NRG2: variants seen among roughly 807,000 people sequenced by gnomAD.
NRG2 encodes pro-neuregulin-2, membrane-bound isoform.
Under a neutral mutation model 73.9 loss-of-function variants are expected in NRG2, and 27 were observed. That is an observed-to-expected ratio of 0.37 (90% confidence interval 0.27 to 0.50). NRG2 has a LOEUF of 0.50. Ranked by LOEUF, NRG2 falls within the 20% of genes least tolerant of loss-of-function variation. The pLI is 0.96. For missense variants in NRG2, 1,126 were observed against 1,210.1 expected (o/e 0.93, Z 1.03); for synonymous variants, 532 against 541.0 (o/e 0.98, Z 0.23).
chr5:139,855,649 T>C, intron 6 of NRG2, 27 bp downstream of exon 6: 2 of 1,591,818 alleles, frequency 1.3e-6, no homozygotes, highest in Non-Finnish European at 1.7e-6. Flanking sequence ...GCTTGGCCTG[T>C]CCCCAGCTTG....
At chr5:139,975,471 A>G (rs264342) in intron 1 of NRG2, among the ~76,000 whole-genome samples, 51,984 of 152,088 alleles carry the variant, frequency 0.34, 9,746 homozygotes, top group African/African-American at 0.5. Flanking sequence ...CTTGGTGTCC[A>G]GGACCCCAGC....
intron 1 of NRG2, among the ~76,000 whole-genome samples, chr5:139,914,913 C>A (rs192598905): frequency 5.2e-4 from 79 of 152,270 alleles, no homozygotes; most frequent in African/African-American, 1.8e-3. Context: ...ATTGTAGGCC[C>A]CCCAGCTGGT....
At chr5:140,013,018 C>A (rs559945431) in intron 1 of NRG2, among the ~76,000 whole-genome samples, 1 of 152,284 alleles carries the variant, frequency 6.6e-6, no homozygotes, top group East Asian at 1.9e-4. Flanking sequence ...ATTCACCCAC[C>A]TACTCTTCTA....
intron 1 of NRG2, among the ~76,000 whole-genome samples, chr5:139,898,264 G>C (rs1764672872): frequency 6.6e-6 from 1 of 152,246 alleles, no homozygotes; most frequent in African/African-American, 2.4e-5. Flanking sequence ...AAGGCCGGAA[G>C]GAACCACGAG....
chr5:139,910,687 G>T (rs761842260), intron 1 of NRG2, among the ~76,000 whole-genome samples: 4 of 152,118 alleles, frequency 2.6e-5, no homozygotes, highest in Non-Finnish European at 5.9e-5. Context: ...ATGCCCTTTT[G>T]ACCCTGTCCC....
intron 1 of NRG2, among the ~76,000 whole-genome samples, chr5:139,991,805 T>C (rs1042425241): frequency 2.0e-5 from 3 of 152,194 alleles, no homozygotes; most frequent in African/African-American, 7.2e-5. Flanking sequence ...AAGTACTATA[T>C]CATTCTTTAT....
At chr5:139,893,021 C>T (rs1334888023) in intron 1 of NRG2, among the ~76,000 whole-genome samples, 1 of 152,050 alleles carries the variant, frequency 6.6e-6, no homozygotes, top group African/African-American at 2.4e-5. Flanking sequence ...TGTTTTGTTA[C>T]ATAAGAAATT....
At chr5:140,022,293 T>C (rs1248402611) in intron 1 of NRG2, among the ~76,000 whole-genome samples, 3 of 152,186 alleles carry the variant, frequency 2.0e-5, no homozygotes, top group Non-Finnish European at 4.4e-5. Context: ...TAGCAATAAT[T>C]CCATCTCCTC....
intron 1 of NRG2, among the ~76,000 whole-genome samples, chr5:140,031,853 T>G (rs1187615544): frequency 6.6e-6 from 1 of 152,076 alleles, no homozygotes; most frequent in Non-Finnish European, 1.5e-5. Flanking sequence ...CTAACAGTCC[T>G]TGGGAACTTG....
At position 140,042,907 on chromosome 5, in the gene NRG2, T is replaced by A. The variant is rs901991928; in HGVS notation, c.163A>T (p.Ser55Cys). Residue 55 changes from serine to cysteine, a missense_variant, in exon 1 of 10, where the codon AGC becomes TGC. By Grantham distance (112) the Ser-to-Cys change is moderately radical. Around this residue, in one of 3 missense-constraint regions of NRG2, gnomAD observed 185 missense variants for 149.0 expected, o/e 1.24. Coordinates refer to ENST00000361474, the MANE Select transcript of NRG2 (RefSeq NM_004883.3). Reference sequence around the variant, plus strand: ...GGGGGCGCAGCGGGACGAGAGATGCTGCTGTTGTTGCTGCTGCTCCTGCTG... The same window carrying A: ...GGGGGCGCAGCGGGACGAGAGATGCAGCTGTTGTTGCTGCTGCTCCTGCTG... ...SSSRSSSNNS[S>C]ISRPAAPPEP... is the part of the protein sequence containing the mutation. 6 of 1,537,162 alleles carry A rather than the reference T, an allele frequency of 3.9e-6. No individual in the cohort carries two copies. The highest frequency in any genetic ancestry group is 2.0e-5 in the Admixed American group (1 of 50,906).
At chr5:139,989,938 A>G (rs2913724) in intron 1 of NRG2, among the ~76,000 whole-genome samples, 55,344 of 149,354 alleles carry the variant, frequency 0.37, 12,972 homozygotes, top group African/African-American at 0.64. Context: ...ACAGGTGCCC[A>G]CCACCACGCC....
At chr5:139,873,897 C>A (rs1056325347) in intron 3 of NRG2, among the ~76,000 whole-genome samples, 2 of 152,256 alleles carry the variant, frequency 1.3e-5, no homozygotes, top group Admixed American at 1.3e-4. Flanking sequence ...AAAGATGGGG[C>A]CTCCCCAGCC....
intron 1 of NRG2, among the ~76,000 whole-genome samples, chr5:140,038,257 T>C (rs1177394247): frequency 2.0e-5 from 3 of 152,188 alleles, no homozygotes; most frequent in African/African-American, 7.2e-5. Flanking sequence ...AGATTGTTAA[T>C]ATACCACCAT....
intron 1 of NRG2, among the ~76,000 whole-genome samples, chr5:139,906,490 C>T (rs1460924446): frequency 2.0e-5 from 3 of 152,194 alleles, no homozygotes; most frequent in Non-Finnish European, 4.4e-5. Flanking sequence ...TCTATCTCCT[C>T]TCATACCTTT....
At chr5:139,956,035 A>T (rs943103126) in intron 1 of NRG2, among the ~76,000 whole-genome samples, 4 of 152,236 alleles carry the variant, frequency 2.6e-5, no homozygotes, top group Non-Finnish European at 5.9e-5. Context: ...AGATGCTGAG[A>T]CAGGCAGAGG....
chr5:140,020,189 A>G (rs1040713039), intron 1 of NRG2, among the ~76,000 whole-genome samples: 1 of 152,268 alleles, frequency 6.6e-6, no homozygotes, highest in African/African-American at 2.4e-5. Flanking sequence ...AGAATCAATA[A>G]AAGACTGAAA....
intron 1 of NRG2, among the ~76,000 whole-genome samples, chr5:139,888,830 AAAAC>A (rs1764035771): frequency 6.6e-6 from 1 of 152,216 alleles, no homozygotes; most frequent in South Asian, 2.1e-4. Flanking sequence ...AAAAAAGAAG[AAAAC>A]AAAACCTTCC....
intron 1 of NRG2, among the ~76,000 whole-genome samples, chr5:139,955,837 C>T (rs1305896814): frequency 1.3e-5 from 2 of 152,136 alleles, no homozygotes; most frequent in South Asian, 2.1e-4. Flanking sequence ...CTGGAGCATG[C>T]TCTGCACTCC....
At chr5:139,850,905 T>C (rs187422331) in intron 9 of NRG2, among the ~76,000 whole-genome samples, 1 of 152,206 alleles carries the variant, frequency 6.6e-6, no homozygotes, top group East Asian at 1.9e-4. Flanking sequence ...TTACTCCTTC[T>C]TCGTGTCTCC....
Sources: gnomAD v4.1 joint callset for allele counts (sites outside exome capture counted in the v4.1 genomes callset) on GRCh38, gnomAD v4.1.1 for gene constraint, gnomAD v4.1.1 regional missense constraint, MANE v1.5 for transcripts, NCBI Gene and HGNC (gene_info 2026-07-23, HGNC 2026-07-21) for gene names.